The following SEMA6D variants were observed in gnomAD, a reference collection of about 807,000 sequenced individuals.
SEMA6D encodes semaphorin 6D, also known as semaphorin-6D.
SEMA6D carries 35 observed loss-of-function variants against 106.6 expected under a neutral mutation model. That is an observed-to-expected ratio of 0.33 (90% CI 0.25 to 0.44). SEMA6D has a LOEUF of 0.44. Ranked by LOEUF, SEMA6D falls within the 20% of genes least tolerant of loss-of-function variation. The probability of loss-of-function intolerance (pLI) is 1.00; values close to 1 mark genes in which losing one functional copy is unlikely to be tolerated. For missense variants in SEMA6D, 1,185 were observed against 1,345.9 expected (o/e 0.88, Z 1.87); for synonymous variants, 499 against 487.7 (o/e 1.02, Z -0.31).
intron 3 of SEMA6D, among the ~76,000 whole-genome samples, chr15:47,510,488 A>G (rs917316895): frequency 6.6e-6 from 1 of 152,218 alleles, no homozygotes; most frequent in South Asian, 2.1e-4. Context: ...ATCTTGTTCA[A>G]TATATATTTG....
At chr15:47,598,755 A>G (rs2076585736) in intron 3 of SEMA6D, among the ~76,000 whole-genome samples, 1 of 152,154 alleles carries the variant, frequency 6.6e-6, no homozygotes, top group South Asian at 2.1e-4. Context: ...TTTTTCAGGA[A>G]TTTACAGATC....
intron 1 of SEMA6D, among the ~76,000 whole-genome samples, chr15:47,207,817 T>G (rs1895174879): frequency 6.6e-6 from 1 of 152,098 alleles, no homozygotes; most frequent in Non-Finnish European, 1.5e-5. Context: ...TTTCTGAAAC[T>G]ACTTCATCTA....
At chr15:47,457,175 T>C (rs979252532) in intron 2 of SEMA6D, among the ~76,000 whole-genome samples, 1 of 152,014 alleles carries the variant, frequency 6.6e-6, no homozygotes, top group African/African-American at 2.4e-5. Context: ...TAACAAAGAT[T>C]ATAAGCAAGG....
chr15:47,312,615 A>G (rs2036494517), intron 1 of SEMA6D, among the ~76,000 whole-genome samples: 1 of 152,160 alleles, frequency 6.6e-6, no homozygotes, highest in South Asian at 2.1e-4. Context: ...GATCAGCGCT[A>G]TCCAACAGAA....
In SEMA6D at chr15:47,771,621, C is replaced by T; in HGVS notation, c.3058C>T (p.His1020Tyr). 1 of 1,614,114 alleles carries T rather than the reference C, an allele frequency of 6.2e-7. No homozygotes were observed. The highest frequency in any genetic ancestry group is 8.5e-7 in the Non-Finnish European group (1 of 1,179,980). The stretch of plus-strand genomic sequence containing the variant: ...TATTCAGGGAACACCAGTGAGTGTT[C>T]ATCTGCAGCCTTCCCTCTCCAGACA... ...DYIQGTPVSV[H>Y]LQPSLSRQSS... Residue 1020 changes from histidine (H) to tyrosine (Y), a missense_variant, in exon 19 of 19, where the codon CAT (histidine) becomes TAT (tyrosine). Physicochemically the swap from His to Tyr is moderately conservative, Grantham distance 83. Coordinates refer to ENST00000536845, the MANE Select transcript of SEMA6D (RefSeq NM_001358351.3).
chr15:47,350,796 G>A (rs1486901), intron 1 of SEMA6D, among the ~76,000 whole-genome samples: 79,339 of 152,058 alleles, frequency 0.52, 24,039 homozygotes, highest in African/African-American at 0.85. Context: ...GTGAAAGTAC[G>A]ACTGTTAAGG....
chr15:47,197,318 C>T (rs541716012), intron 1 of SEMA6D, among the ~76,000 whole-genome samples: 1 of 152,288 alleles, frequency 6.6e-6, no homozygotes, highest in South Asian at 2.1e-4. Context: ...TGTGCCAACA[C>T]TTTTAAGTTT....
intron 1 of SEMA6D, among the ~76,000 whole-genome samples, chr15:47,240,970 T>C (rs2077701959): frequency 1.3e-5 from 2 of 152,158 alleles, no homozygotes; most frequent in Admixed American, 1.3e-4. Context: ...ATAGTGTCTA[T>C]CCATACATTC....
In SEMA6D at chr15:47,528,684, A is replaced by G. The variant is rs952931338; in HGVS notation, c.-87+58139A>G. On this transcript the variant is annotated intron_variant, in intron 3 of 19. Transcript: ENST00000558014. Reference sequence around the variant, plus strand: ...TAAGGTTGCTACAGGGAAGTTTGACATATTATTTCCTCTCATATTGCATTA... The same window carrying G: ...TAAGGTTGCTACAGGGAAGTTTGACGTATTATTTCCTCTCATATTGCATTA... 8.5e-5 allele frequency among the ~76,000 whole-genome samples: 13 copies of G among 152,192 alleles called. 1 individual carries two copies. The South Asian group carries it at 2.7e-3, about 32-fold the overall frequency.
chr15:47,291,679 A>T (rs987674694), intron 1 of SEMA6D, among the ~76,000 whole-genome samples: 2 of 152,132 alleles, frequency 1.3e-5, no homozygotes, highest in Non-Finnish European at 1.5e-5. Context: ...TCCCACTATT[A>T]TCTATAATGC....
chr15:47,522,065 T>A (rs2044600988), intron 3 of SEMA6D, among the ~76,000 whole-genome samples: 1 of 151,918 alleles, frequency 6.6e-6, no homozygotes, highest in Admixed American at 6.6e-5. Flanking sequence ...AGCAATCTGA[T>A]TGTACTTGAC....
intron 1 of SEMA6D, among the ~76,000 whole-genome samples, chr15:47,318,345 C>T (rs1235116106): frequency 7.2e-6 from 1 of 139,590 alleles, no homozygotes; most frequent in South Asian, 2.4e-4. Context: ...TATACATGTG[C>T]CATGCTGGTG....
chr15:47,382,624 A>G (rs2039682782), intron 1 of SEMA6D, among the ~76,000 whole-genome samples: 2 of 152,258 alleles, frequency 1.3e-5, no homozygotes, highest in South Asian at 4.1e-4. Context: ...AATGCTGCTC[A>G]ATATAGGTAG....
intron 1 of SEMA6D, among the ~76,000 whole-genome samples, chr15:47,261,645 T>C (rs2034080610): frequency 6.6e-6 from 1 of 152,174 alleles, no homozygotes. Flanking sequence ...AGGAAACCTA[T>C]ACCCTTTAGC....
intron 1 of SEMA6D, among the ~76,000 whole-genome samples, chr15:47,370,285 T>A (rs1404941628): frequency 6.6e-6 from 1 of 152,014 alleles, no homozygotes; most frequent in Non-Finnish European, 1.5e-5. Context: ...GAGGCCGAGG[T>A]TAGTGGAGCA....
chr15:47,341,626 T>C (rs562535690), intron 1 of SEMA6D, among the ~76,000 whole-genome samples: 10 of 152,308 alleles, frequency 6.6e-5, no homozygotes, highest in African/African-American at 2.4e-4. Flanking sequence ...AGTTGAGATG[T>C]GACTGAGTAC....
chr15:47,287,793 T>C (rs1158628759), intron 1 of SEMA6D, among the ~76,000 whole-genome samples: 1 of 152,224 alleles, frequency 6.6e-6, no homozygotes, highest in African/African-American at 2.4e-5. Flanking sequence ...GTTAGGCCAT[T>C]CTTGCATTGC....
In SEMA6D at chr15:47,320,989, T is replaced by G. The variant is rs181429705; in HGVS notation, c.-238-91404T>G. ...GGTGTTCACTGTGCTGCTGATTGGC[T>G]TATTGACCTCACTATGTAGCTTGAT... On this transcript the variant is annotated intron_variant, in intron 1 of 19. Transcript: ENST00000558014. Among the ~76,000 whole-genome samples the G allele has an allele frequency of 9.4e-3, 1,437 of 152,308 alleles. 15 individuals carry two copies. Among genetic ancestry groups the G allele is most frequent in the Non-Finnish European group, 0.012 (836 of 68,028 alleles).
At chr15:47,438,732 C>T (rs1429384462) in intron 2 of SEMA6D, among the ~76,000 whole-genome samples, 2 of 151,650 alleles carry the variant, frequency 1.3e-5, no homozygotes, top group African/African-American at 4.8e-5. Context: ...CTGCCCCTTC[C>T]CTGGGTATGC....
Sources: allele counts gnomAD v4.1 joint callset (sites outside exome capture counted in the v4.1 genomes callset), GRCh38; gene constraint gnomAD v4.1.1; transcripts MANE v1.5; gene names NCBI Gene and HGNC (gene_info 2026-07-23, HGNC 2026-07-21).